The following RBMS3 variants were observed in gnomAD, a reference collection of about 807,000 sequenced individuals.
RBMS3 encodes the protein RNA-binding motif, single-stranded-interacting protein 3.
In RBMS3, 27 loss-of-function variants were observed where a neutral mutation model predicts 66.8. That is an observed-to-expected ratio of 0.40 (90% confidence interval 0.30 to 0.56). The LOEUF is 0.56. Ranked by LOEUF, RBMS3 falls within the 20% of genes least tolerant of loss-of-function variation. The pLI is 0.40. For synonymous variants in RBMS3, 188 were observed against 183.0 expected (o/e 1.03, Z -0.22); for missense variants, 513 against 549.5 (o/e 0.93, Z 0.66).
intron 4 of RBMS3, among the ~76,000 whole-genome samples, chr3:29,652,028 C>T (rs11129369): frequency 0.043 from 6,596 of 152,080 alleles, 407 homozygotes; most frequent in East Asian, 0.31. Context: ...ATATTCTCCT[C>T]CTTCTCTTTG....
chr3:29,974,598 T>C (rs930809457), intron 12 of RBMS3, among the ~76,000 whole-genome samples: 2 of 151,608 alleles, frequency 1.3e-5, no homozygotes, highest in East Asian at 1.9e-4. Context: ...CCTGCCCCTT[T>C]TATAATCCCC....
chr3:29,362,508 A>G (rs940911789), intron 1 of RBMS3, among the ~76,000 whole-genome samples: 14 of 152,134 alleles, frequency 9.2e-5, no homozygotes, highest in Non-Finnish European at 2.1e-4. Flanking sequence ...AACCCACTTG[A>G]GGAGGCAGTC....
intron 2 of RBMS3, among the ~76,000 whole-genome samples, chr3:29,470,594 A>T (rs2042691522): frequency 6.6e-6 from 1 of 152,024 alleles, no homozygotes; most frequent in African/African-American, 2.4e-5. Context: ...GAAGGAGGCA[A>T]TATAGGCTAG....
chr3:29,667,580 T>C (rs2050818669), intron 4 of RBMS3, among the ~76,000 whole-genome samples: 2 of 152,226 alleles, frequency 1.3e-5, no homozygotes, highest in Admixed American at 1.3e-4. Flanking sequence ...CTATGTCTTA[T>C]GCAGAACAGT....
intron 4 of RBMS3, chr3:29,697,206 T>A: frequency 1.4e-6 from 1 of 712,240 alleles, no homozygotes. Flanking sequence ...TTCTTAATGA[T>A]ACAATTGGTT....
intron 10 of RBMS3, among the ~76,000 whole-genome samples, chr3:29,906,060 T>C (rs920504378): frequency 6.6e-6 from 1 of 152,158 alleles, no homozygotes; most frequent in East Asian, 1.9e-4. Context: ...TGAATTTTTC[T>C]ATACAAGAAA....
intron 1 of RBMS3, among the ~76,000 whole-genome samples, chr3:29,308,753 A>G (rs1360136865): frequency 2.9e-5 from 1 of 34,828 alleles, no homozygotes; most frequent in Non-Finnish European, 8.7e-5. Flanking sequence ...AAACAAAAAA[A>G]AACAAAAAAA....
At chr3:29,913,081 ATAAAGTACTCATGATTT>A (rs1199028085) in intron 10 of RBMS3, among the ~76,000 whole-genome samples, 3 of 151,992 alleles carry the variant, frequency 2.0e-5, no homozygotes, top group African/African-American at 7.2e-5. Context: ...TAGGTGGCTC[ATAAAGTACTCATGATTT>A]TAACAGTACT....
chr3:29,356,813 C>T (rs1448388882), intron 1 of RBMS3, among the ~76,000 whole-genome samples: 3 of 151,948 alleles, frequency 2.0e-5, no homozygotes, highest in Non-Finnish European at 2.9e-5. Context: ...TTTTTTCTGC[C>T]ATAAATTAAG....
chr3:29,566,038 A>G (rs557208253), intron 3 of RBMS3, among the ~76,000 whole-genome samples: 18 of 152,290 alleles, frequency 1.2e-4, no homozygotes, highest in African/African-American at 4.3e-4. Flanking sequence ...ACCAAATGAA[A>G]GGCTTTTAAT....
intron 3 of RBMS3, among the ~76,000 whole-genome samples, chr3:29,498,457 A>G (rs1024484623): frequency 5.9e-5 from 9 of 152,182 alleles, no homozygotes; most frequent in African/African-American, 2.2e-4. Context: ...ATAATGTATA[A>G]TGCACAAATA....
chr3:29,984,003 G>A (rs182792345), intron 12 of RBMS3, among the ~76,000 whole-genome samples: 52 of 152,222 alleles, frequency 3.4e-4, no homozygotes, highest in Non-Finnish European at 6.9e-4. Flanking sequence ...CCTGAAGAGC[G>A]TTTTCCAACT....
At position 29,527,181 on chromosome 3, in the gene RBMS3, TAAAAAAAAAAAA is replaced by T. The variant is rs538907247; in HGVS notation, c.307+38700_307+38711del. ...TTTCAGACGTGATTGTTAGGTAGAGTAAAAAAAAAAAAAAAAAAAAAAAAAAAAAGATGGAAA... is the reference window on the plus strand; with the variant it reads ...TTTCAGACGTGATTGTTAGGTAGAGTAAAAAAAAAAAAAAAAAGATGGAAA... On this transcript the variant is annotated intron_variant, in intron 3 of 14. Coordinates refer to ENST00000383767, the MANE Select transcript of RBMS3 (RefSeq NM_001003793.3). Among the ~76,000 whole-genome samples the T allele has an allele frequency of 1.9e-4, 17 of 87,822 alleles. No individual in the cohort carries two copies. The East Asian group carries it at 6.4e-3, about 33-fold the overall frequency. 57.6% of individuals were successfully genotyped at this position (87,822 alleles called of 152,430 possible).
chr3:29,298,018 A>G (rs2033399663), intron 1 of RBMS3, among the ~76,000 whole-genome samples: 1 of 151,880 alleles, frequency 6.6e-6, no homozygotes, highest in African/African-American at 2.4e-5. Context: ...CACATTTAGC[A>G]TTGCTAAACT....
chr3:29,362,201 G>A (rs922382367), intron 1 of RBMS3, among the ~76,000 whole-genome samples: 2 of 152,324 alleles, frequency 1.3e-5, no homozygotes, highest in South Asian at 2.1e-4. Context: ...GGTCTTTGAT[G>A]ATGGTGACGT....
At chr3:29,888,222 CAATG>C (rs2059918416) in intron 8 of RBMS3, among the ~76,000 whole-genome samples, 1 of 151,708 alleles carries the variant, frequency 6.6e-6, no homozygotes, top group Admixed American at 6.6e-5. Flanking sequence ...ACATTTACAA[CAATG>C]AATATTTTCC....
chr3:29,420,883 T>A (rs2040689536), intron 1 of RBMS3, among the ~76,000 whole-genome samples: 1 of 150,744 alleles, frequency 6.6e-6, no homozygotes, highest in Admixed American at 6.6e-5. Context: ...GGCGGGTGGA[T>A]CATGAGGTCA....
At chr3:29,587,390 G>A (rs146098364) in intron 4 of RBMS3, among the ~76,000 whole-genome samples, 185 bp downstream of exon 4, 112 of 151,654 alleles carry the variant, frequency 7.4e-4, no homozygotes, top group African/African-American at 2.6e-3. Flanking sequence ...ATATTTTCTT[G>A]TTAGGGAAAG....
At chr3:29,702,551 T>G (rs750402918) in intron 4 of RBMS3, among the ~76,000 whole-genome samples, 8 of 152,212 alleles carry the variant, frequency 5.3e-5, no homozygotes, top group Non-Finnish European at 1.0e-4. Context: ...TGCTCACTTT[T>G]TGAGTCCACA....
Sources: gnomAD v4.1 joint callset for allele counts (sites outside exome capture counted in the v4.1 genomes callset) on GRCh38, gnomAD v4.1.1 for gene constraint, MANE v1.5 for transcripts, NCBI Gene and HGNC (gene_info 2026-07-23, HGNC 2026-07-21) for gene names.